LRFN2: variants seen among roughly 807,000 people sequenced by gnomAD.
The protein encoded by LRFN2 is leucine-rich repeat and fibronectin type-III domain-containing protein 2.
LRFN2 carries 18 observed loss-of-function variants against 37.3 expected under a neutral mutation model. The ratio of observed to expected loss-of-function variants is 0.48; its 90% CI spans 0.33 to 0.72. The LOEUF (loss-of-function observed/expected upper bound fraction) is 0.72, where lower values mean the gene tolerates loss of function less well. Ranked by LOEUF, LRFN2 falls within the 30% of genes least tolerant of loss-of-function variation. The pLI is 0.02. For missense variants in LRFN2, 1,006 were observed against 1,060.7 expected (o/e 0.95, Z 0.72); for synonymous variants, 556 against 466.6 (o/e 1.19, Z -2.47).
At chr6:40,470,584 T>C (rs2113856517) in intron 1 of LRFN2, among the ~76,000 whole-genome samples, 1 of 150,552 alleles carries the variant, frequency 6.6e-6, no homozygotes, top group Admixed American at 6.6e-5. Flanking sequence ...CACTCCAGCC[T>C]GGTGACAGAG....
At chr6:40,420,830 G>A (rs1763212174) in intron 2 of LRFN2, among the ~76,000 whole-genome samples, 1 of 152,262 alleles carries the variant, frequency 6.6e-6, no homozygotes, top group African/African-American at 2.4e-5. Context: ...TTGAATACAA[G>A]TAGTTTATTT....
At chr6:40,492,564 G>T (rs1200967710) in intron 1 of LRFN2, among the ~76,000 whole-genome samples, 1 of 152,214 alleles carries the variant, frequency 6.6e-6, no homozygotes, top group Non-Finnish European at 1.5e-5. Context: ...TATCTTTAGA[G>T]CCACTTACTG....
chr6:40,431,831 A>C lies in LRFN2; in HGVS notation c.1283T>G (p.Val428Gly), dbSNP rs755632995. 1 of 1,573,070 alleles carries C rather than the reference A, an allele frequency of 6.4e-7. No individual in the cohort carries two copies. The highest frequency in any genetic ancestry group is 1.2e-5 in the South Asian group (1 of 82,778). Residue 428 changes from valine to glycine, a missense_variant, in exon 2 of 3, where the codon GTG becomes GGG. Coordinates refer to ENST00000338305, the MANE Select transcript of LRFN2 (RefSeq NM_020737.3). ...PKSPPERAVL[V>G]SEVTTTSALV... ...GGCCGAGGTGGTGGTCACTTCAGAC[A>C]CAAGCACAGCCCGTTCCGGGGGGCT...
chr6:40,520,495 G>T (rs915645759), intron 1 of LRFN2, among the ~76,000 whole-genome samples: 1 of 152,168 alleles, frequency 6.6e-6, no homozygotes, highest in Non-Finnish European at 1.5e-5. Flanking sequence ...CCCCTCCCTT[G>T]CAGACTTGGG....
chr6:40,457,625 A>G (rs1457543599), intron 1 of LRFN2, among the ~76,000 whole-genome samples: 2 of 144,924 alleles, frequency 1.4e-5, no homozygotes, highest in Non-Finnish European at 3.0e-5. Context: ...GGCAACAAAG[A>G]AAGACCCTGT....
intron 1 of LRFN2, among the ~76,000 whole-genome samples, chr6:40,445,317 C>T (rs1440980247): frequency 1.3e-5 from 2 of 152,190 alleles, no homozygotes; most frequent in African/African-American, 2.4e-5. Context: ...ACACCTTGTT[C>T]AATAACTTAT....
intron 1 of LRFN2, among the ~76,000 whole-genome samples, chr6:40,447,657 T>C (rs920426246): frequency 1.3e-4 from 20 of 152,248 alleles, no homozygotes; most frequent in African/African-American, 4.6e-4. Context: ...GCTGATTCTA[T>C]GGTAAGCATT....
intron 2 of LRFN2, among the ~76,000 whole-genome samples, chr6:40,427,338 C>T (rs1176899146): frequency 6.6e-6 from 1 of 152,202 alleles, no homozygotes; most frequent in Non-Finnish European, 1.5e-5. Flanking sequence ...CCTTGTGTCC[C>T]AAGACAGCAT....
intron 1 of LRFN2, among the ~76,000 whole-genome samples, chr6:40,450,846 A>T (rs1053077149): frequency 6.6e-6 from 1 of 152,242 alleles, no homozygotes; most frequent in Non-Finnish European, 1.5e-5. Flanking sequence ...AATGAGTATT[A>T]TCTCGAGGAG....
At chr6:40,441,512 G>A (rs1186843024) in intron 1 of LRFN2, among the ~76,000 whole-genome samples, 1 of 152,160 alleles carries the variant, frequency 6.6e-6, no homozygotes, top group Non-Finnish European at 1.5e-5. Context: ...TCTGCCTGAG[G>A]AAGAGAGAGG....
intron 1 of LRFN2, among the ~76,000 whole-genome samples, chr6:40,565,616 C>T (rs548477269): frequency 2.6e-5 from 4 of 152,170 alleles, no homozygotes; most frequent in South Asian, 2.1e-4. Flanking sequence ...ACAAACCTGA[C>T]AAAAACAAGA....
intron 1 of LRFN2, among the ~76,000 whole-genome samples, chr6:40,539,488 G>A (rs925329198): frequency 7.9e-5 from 12 of 152,196 alleles, no homozygotes; most frequent in African/African-American, 2.2e-4. Context: ...CAATTCATTC[G>A]TTTATTCAAT....
In LRFN2 at chr6:40,493,673, G is replaced by C. The variant is rs146912217; in HGVS notation, c.-18-60542C>G. ...CTCCATCTCTTGGAGTCTGGTTTCT[G>C]CCCCACTGCCTTGCAGCCGGCTTCT... is the stretch of plus-strand genomic sequence containing the variant. On this transcript the variant is annotated intron_variant, in intron 1 of 2. Transcript: ENST00000338305. Among the ~76,000 whole-genome samples the C allele has an allele frequency of 3.8e-4, 58 of 152,264 alleles. No homozygotes were observed. In the East Asian group the frequency reaches 9.7e-3, roughly 25 times the overall value.
intron 2 of LRFN2, among the ~76,000 whole-genome samples, chr6:40,420,987 C>T (rs1275975467): frequency 6.6e-6 from 1 of 152,232 alleles, no homozygotes; most frequent in East Asian, 1.9e-4. Flanking sequence ...ATCTGCCTTT[C>T]TCCAAGGCTG....
intron 1 of LRFN2, among the ~76,000 whole-genome samples, chr6:40,522,020 AG>A (rs1279620738): frequency 2.0e-5 from 3 of 152,202 alleles, no homozygotes; most frequent in African/African-American, 7.2e-5. Context: ...GAAGGAAGAC[AG>A]GGAGTCTTTA....
intron 1 of LRFN2, among the ~76,000 whole-genome samples, chr6:40,479,339 C>A (rs1764775455): frequency 6.6e-6 from 1 of 152,228 alleles, no homozygotes; most frequent in Non-Finnish European, 1.5e-5. Flanking sequence ...GGGCTTCCCA[C>A]TCCTGAGCTG....
intron 1 of LRFN2, among the ~76,000 whole-genome samples, chr6:40,473,380 A>G (rs936774220): frequency 2.6e-5 from 4 of 152,174 alleles, no homozygotes; most frequent in Admixed American, 2.0e-4. Context: ...TTTAAACTCC[A>G]GCCCAGCCAT....
intron 1 of LRFN2, among the ~76,000 whole-genome samples, chr6:40,549,904 G>A (rs1766738101): frequency 6.6e-6 from 1 of 152,110 alleles, no homozygotes. Flanking sequence ...GCCAGGCATG[G>A]TGGTGCTTGC....
At chr6:40,547,515 T>C (rs561150654) in intron 1 of LRFN2, among the ~76,000 whole-genome samples, 14 of 152,300 alleles carry the variant, frequency 9.2e-5, no homozygotes, top group Non-Finnish European at 1.6e-4. Flanking sequence ...TCCCCTATAC[T>C]GGGCATCTTC....
Sources: gnomAD v4.1 joint callset for allele counts (sites outside exome capture counted in the v4.1 genomes callset) on GRCh38, gnomAD v4.1.1 for gene constraint, MANE v1.5 for transcripts, NCBI Gene and HGNC (gene_info 2026-07-23, HGNC 2026-07-21) for gene names.